HNRNPA2B1: variants seen among roughly 807,000 people sequenced by gnomAD.
HNRNPA2B1 encodes the protein heterogeneous nuclear ribonucleoproteins A2/B1.
In HNRNPA2B1, 3 loss-of-function variants were observed where a neutral mutation model predicts 46.3. The observed-to-expected ratio is 0.06, with a 90% confidence interval of 0.03 to 0.17. The LOEUF is 0.17. HNRNPA2B1 is among the 10% of genes least tolerant of loss of function. The pLI is 1.00. For synonymous variants in HNRNPA2B1, 225 were observed against 133.8 expected (o/e 1.68, Z -4.70); for missense variants, 221 against 418.9 (o/e 0.53, Z 4.12).
intron 1 of HNRNPA2B1, chr7:26,198,377 ACT>A (rs1200024217): frequency 6.6e-6 from 1 of 152,486 alleles, no homozygotes; most frequent in African/African-American, 2.4e-5. Context: ...CTTAAAAATT[ACT>A]CTTATAACCA....
chr7:26,197,036 A>G lies in HNRNPA2B1; in HGVS notation c.265-19T>C, dbSNP rs779867889. ...CAGATTCCTAAAATAGTGGTGGGGT[A>G]AAAGTCATCCAAACAGAAAAAAACA... On this transcript the variant is annotated intron_variant, in intron 3 of 10. Coordinates refer to ENST00000618183, the MANE Select transcript of HNRNPA2B1 (RefSeq NM_002137.4). The G allele has an allele frequency of 6.3e-7, 1 of 1,578,820 alleles. No homozygotes were observed. Among genetic ancestry groups the G allele is most frequent in the Non-Finnish European group, 8.7e-7 (1 of 1,153,668 alleles).
rs1029001865 is a variant in HNRNPA2B1, at chr7:26,195,782, A to G, written c.721+65T>C. On this transcript the variant is annotated intron_variant, in intron 7 of 10. Coordinates refer to ENST00000618183, the MANE Select transcript of HNRNPA2B1 (RefSeq NM_002137.4). Reference sequence around the variant, plus strand: ...GTTTAAAAACTCAAAATATAAATGAAGTAAATATACGATATAGTTAAGTAT... The same window carrying G: ...GTTTAAAAACTCAAAATATAAATGAGGTAAATATACGATATAGTTAAGTAT... The G allele has an allele frequency of 5.2e-6, 8 of 1,535,512 alleles. No individual in the cohort carries two copies. In the African/African-American group the frequency reaches 7.1e-5, roughly 14 times the overall value.
At chr7:26,199,316 T>G (rs1331383559) in intron 1 of HNRNPA2B1, 1 of 152,568 alleles carries the variant, frequency 6.6e-6, no homozygotes, top group Non-Finnish European at 1.5e-5. Flanking sequence ...TGCTTATCAA[T>G]GTAATGTTCA....
intron 7 of HNRNPA2B1, among the ~76,000 whole-genome samples, chr7:26,194,202 C>T (rs987682498): frequency 6.6e-6 from 1 of 152,248 alleles, no homozygotes; most frequent in South Asian, 2.1e-4. Flanking sequence ...TGAGACCACC[C>T]TGGCTAACAC....
chr7:26,195,352 TCA>T (rs1783441784), intron 7 of HNRNPA2B1, among the ~76,000 whole-genome samples: 1 of 152,214 alleles, frequency 6.6e-6, no homozygotes, highest in Non-Finnish European at 1.5e-5. Flanking sequence ...CAATGATATA[TCA>T]CACTTCATGT....
In HNRNPA2B1 at chr7:26,196,661, G is replaced by A. The variant is rs370807816; in HGVS notation, c.476-3C>T. 4 of 1,609,686 alleles carry A rather than the reference G, an allele frequency of 2.5e-6. No homozygotes were observed. The South Asian group carries it at 3.3e-5, about 13-fold the overall frequency. ...ATTGATGGTATGGTATTTCTGCACT[G>A]GAATGAAAAATTCAGACTCCTTTTA... On this transcript the variant is annotated splice_polypyrimidine_tract_variant and splice_region_variant and intron_variant, in intron 4 of 10. Coordinates refer to ENST00000618183, the MANE Select transcript of HNRNPA2B1 (RefSeq NM_002137.4).
At chr7:26,196,715 A>C in intron 4 of HNRNPA2B1, 57 bp from the exon 5 acceptor site, 3 of 1,572,666 alleles carry the variant, frequency 1.9e-6, no homozygotes, top group South Asian at 1.1e-5. Flanking sequence ...AAGCAGCTTC[A>C]AAAGTTTACC....
chr7:26,196,272 G>C, intron 6 of HNRNPA2B1, 129 bp downstream of exon 6: 1 of 734,796 alleles, frequency 1.4e-6, no homozygotes, highest in South Asian at 1.9e-5. Flanking sequence ...GAGCTTGCCA[G>C]GATACAATCT....
chr7:26,200,386 G>A lies in HNRNPA2B1; in HGVS notation c.6+186C>T, dbSNP rs758292597. 66 of 683,448 alleles carry A rather than the reference G, an allele frequency of 9.7e-5. 1 individual carries two copies. Among genetic ancestry groups the A allele is most frequent in the Admixed American group, 5.9e-4 (28 of 47,350 alleles). 42.3% of individuals were successfully genotyped at this position (683,448 alleles called of 1,614,324 possible). ...GGGAAATGGCGCCGGGAGGCTGAGG[G>A]TGGGGAAGCTGTTTGTACGCTCAGG... is the stretch of plus-strand genomic sequence containing the variant. On this transcript the variant is annotated intron_variant, in intron 1 of 10. Transcript: ENST00000618183.
rs190065646 is a variant in HNRNPA2B1 at position 26,189,940 on chromosome 7, G to C, written c.*2420C>G. The C allele has an allele frequency of 3.9e-5, 6 of 152,256 alleles. No homozygotes were observed. Among genetic ancestry groups the C allele is most frequent in the Admixed American group, 3.3e-4 (5 of 15,290 alleles). The allele number at this position is 152,256 out of a possible 1,614,324, so 9.4% of individuals were successfully genotyped here. ...AAACGCTGAATATACAGTGCATAAT[G>C]AACAGCATTTTATTGGGGACAGCCA... On this transcript the variant is annotated 3_prime_UTR_variant, in exon 11 of 11. Transcript: ENST00000618183.
chr7:26,196,657 C>T lies in HNRNPA2B1; in HGVS notation c.477G>A (p.Leu159=), dbSNP rs1380387069. The change falls in exon 5 of 11, where the codon TTG becomes TTA. Residue 159 remains leucine (L), a splice_region_variant and synonymous_variant. Coordinates refer to ENST00000618183, the MANE Select transcript of HNRNPA2B1 (RefSeq NM_002137.4). ...GACCATTGATGGTATGGTATTTCTG[C>T]ACTGGAATGAAAAATTCAGACTCCT... ...DDHDPVDKIV[L]QKYHTINGHN... 1.9e-6 allele frequency: 3 copies of T among 1,611,562 alleles called. No individual in the cohort carries two copies. Among genetic ancestry groups the T allele is most frequent in the Non-Finnish European group, 2.5e-6 (3 of 1,178,518 alleles).
chr7:26,200,534 T>C lies in HNRNPA2B1; in HGVS notation c.6+38A>G, dbSNP rs1784314138. ...CACTGAGGCGCCAACGGCCTCGCCA[T>C]GCCCTTTTCAATAACTCATTGATTT... On this transcript the variant is annotated intron_variant, in intron 1 of 10. Coordinates refer to ENST00000618183, the MANE Select transcript of HNRNPA2B1 (RefSeq NM_002137.4). The C allele has an allele frequency of 2.5e-6, 4 of 1,610,430 alleles. No individual in the cohort carries two copies. In the South Asian group the frequency reaches 3.3e-5, roughly 13 times the overall value.
In HNRNPA2B1 at chr7:26,196,444, T is replaced by G. The variant is rs751296046; in HGVS notation, c.615A>C (p.Gly205=). 1 of 1,614,030 alleles carries G rather than the reference T, an allele frequency of 6.2e-7. No homozygotes were observed. The highest frequency in any genetic ancestry group is 1.7e-5 in the Admixed American group (1 of 60,000). ...FGFGDSRGGG[G]NFGPGPGSNF... The stretch of plus-strand genomic sequence containing the variant: ...TACTTCCTGGTCCTGGTCCGAAATT[T>G]CCACCGCCACCACGTGAATCCCCAA... The change falls in exon 6 of 11, where the codon GGA becomes GGC. Residue 205 remains glycine (G), a synonymous_variant. Transcript: ENST00000618183.
chr7:26,196,338 A>C (rs187558378), intron 6 of HNRNPA2B1, 63 bp downstream of exon 6: 2 of 1,339,032 alleles, frequency 1.5e-6, no homozygotes, highest in East Asian at 4.6e-5. Context: ...TACTAATGAA[A>C]ACCTAATCAT....
rs1784292538 is a variant in HNRNPA2B1, at chr7:26,200,410, G to A, written c.6+162C>T. On this transcript the variant is annotated intron_variant, in intron 1 of 10. Coordinates refer to ENST00000618183, the MANE Select transcript of HNRNPA2B1 (RefSeq NM_002137.4). Reference sequence around the variant, plus strand: ...GGTGGGGAAGCTGTTTGTACGCTCAGGCCTCCGCTCAAGACCCCGTTCATA... The same window carrying A: ...GGTGGGGAAGCTGTTTGTACGCTCAAGCCTCCGCTCAAGACCCCGTTCATA... 1.2e-5 allele frequency: 9 copies of A among 753,722 alleles called. No individual in the cohort carries two copies. The East Asian group carries it at 1.2e-4, about 10-fold the overall frequency. 46.7% of individuals were successfully genotyped at this position (753,722 alleles called of 1,614,324 possible). A position where few individuals can be genotyped will look rare whatever the true frequency, so the allele number is the denominator to read the frequency against.
At position 26,190,066 on chromosome 7, in the gene HNRNPA2B1, C is replaced by T. The variant is rs1180043126; in HGVS notation, c.*2294G>A. The T allele has an allele frequency of 6.6e-6, 1 of 152,500 alleles. No individual in the cohort carries two copies. Among genetic ancestry groups the T allele is most frequent in the Admixed American group, 6.6e-5 (1 of 15,254 alleles). 9.4% of individuals were successfully genotyped at this position (152,500 alleles called of 1,614,324 possible). On this transcript the variant is annotated 3_prime_UTR_variant, in exon 11 of 11. Transcript: ENST00000618183. The stretch of plus-strand genomic sequence containing the variant: ...ATTTAGGGGATGGTGATCTTTTAGA[C>T]AACCAAATATTTATAGAACAAGATT...
rs1782813706 is a variant in HNRNPA2B1, at chr7:26,190,717, A to G, written c.*1643T>C. 1 of 152,190 alleles carries G rather than the reference A, an allele frequency of 6.6e-6. No individual in the cohort carries two copies. The allele number at this position is 152,190 out of a possible 1,614,324, so 9.4% of individuals were successfully genotyped here. ...TAGAATTACCACATTTAACCCACCT[A>G]TTTAGTACTGGATACATACCAGGCT... On this transcript the variant is annotated 3_prime_UTR_variant, in exon 11 of 11. Coordinates refer to ENST00000618183, the MANE Select transcript of HNRNPA2B1 (RefSeq NM_002137.4).
chr7:26,200,135 A>C, intron 1 of HNRNPA2B1: 1 of 210,390 alleles, frequency 4.8e-6, no homozygotes, highest in Non-Finnish European at 9.8e-6. Context: ...AGCCATGAAA[A>C]TGGCGGCCGC....
At position 26,193,597 on chromosome 7, in the gene HNRNPA2B1, A is replaced by G; in HGVS notation, c.819T>C (p.Gly273=). 2 of 1,593,752 alleles carry G rather than the reference A, an allele frequency of 1.3e-6. No homozygotes were observed. The highest frequency in any genetic ancestry group is 1.7e-6 in the Non-Finnish European group (2 of 1,175,002). The change falls in exon 8 of 11, where the codon GGT becomes GGC. Residue 273 remains glycine, a synonymous_variant. Coordinates refer to ENST00000618183, the MANE Select transcript of HNRNPA2B1 (RefSeq NM_002137.4). The part of the protein sequence containing the change: ...GYGNQGGGYG[G]GYDNYGGGNY... ...TACCTCCTCCATAGTTGTCATAACC[A>G]CCTCCGTAGCCCCCACCCTGGTTGC...
Sources: allele counts gnomAD v4.1 joint callset (sites outside exome capture counted in the v4.1 genomes callset), GRCh38; gene constraint gnomAD v4.1.1; transcripts MANE v1.5; gene names NCBI Gene and HGNC (gene_info 2026-07-23, HGNC 2026-07-21).